Variants in PHF24 observed in about 807,000 individuals in gnomAD.
The protein encoded by PHF24 is PHD finger protein 24.
A neutral mutation model predicts 42.6 loss-of-function variants in PHF24; 25 were observed. That is an observed-to-expected ratio of 0.59 (90% CI 0.43 to 0.82). The LOEUF (loss-of-function observed/expected upper bound fraction) is 0.82. PHF24 is among the 40% of genes least tolerant of loss of function. The pLI is 0.00. For synonymous variants in PHF24, 185 were observed against 204.8 expected (o/e 0.90, Z 0.83); for missense variants, 470 against 538.1 (o/e 0.87, Z 1.25).
chr9:34,666,061 C>G, the PHF24 span: 6 of 272,356 alleles, frequency 2.2e-5, no homozygotes, highest in Non-Finnish European at 4.3e-5. Context: ...GTTACTATTA[C>G]GTCACAGGGA....
chr9:34,726,851 G>C, the PHF24 span: 2 of 1,551,820 alleles, frequency 1.3e-6, no homozygotes, highest in Admixed American at 3.9e-5. Flanking sequence ...CAATGGCCCC[G>C]ATAAAGTCAG....
At chr9:34,934,031 G>C in the PHF24 span, among the ~76,000 whole-genome samples, 1 of 152,076 alleles carries the variant, frequency 6.6e-6, no homozygotes, top group Non-Finnish European at 1.5e-5. Context: ...GGTCCTTCCA[G>C]ATGATATATT....
chr9:34,713,170 T>C, the PHF24 span, among the ~76,000 whole-genome samples: 1 of 152,202 alleles, frequency 6.6e-6, no homozygotes, highest in East Asian at 1.9e-4. Context: ...TTTGTGGGGT[T>C]ACTGAAATTT....
chr9:34,723,621 T>TAA, the PHF24 span: 1 of 1,551,790 alleles, frequency 6.4e-7, no homozygotes, highest in Non-Finnish European at 8.7e-7. Flanking sequence ...CTAGACTCTG[T>TAA]AAGGCTGGGC....
At chr9:34,929,792 G>A in the PHF24 span, among the ~76,000 whole-genome samples, 1 of 152,160 alleles carries the variant, frequency 6.6e-6, no homozygotes, top group Non-Finnish European at 1.5e-5. Flanking sequence ...CTCCTGAGAA[G>A]AGTTGAAGAG....
the PHF24 span, among the ~76,000 whole-genome samples, chr9:34,821,591 C>T: frequency 2.0e-5 from 3 of 152,204 alleles, no homozygotes; most frequent in Non-Finnish European, 4.4e-5. Flanking sequence ...AGTGCCCCAT[C>T]TTTCCCTGGA....
chr9:34,739,904 T>C, the PHF24 span, among the ~76,000 whole-genome samples: 3 of 152,150 alleles, frequency 2.0e-5, no homozygotes, highest in African/African-American at 7.2e-5. Flanking sequence ...TTACAATCCC[T>C]GAGCTAGACA....
chr9:34,812,861 C>T, the PHF24 span, among the ~76,000 whole-genome samples: 5 of 150,266 alleles, frequency 3.3e-5, no homozygotes, highest in African/African-American at 1.2e-4. Flanking sequence ...TTGAGACTTC[C>T]TTTTTCTGTG....
At chr9:34,839,050 G>A in the PHF24 span, among the ~76,000 whole-genome samples, 3 of 152,220 alleles carry the variant, frequency 2.0e-5, no homozygotes, top group African/African-American at 7.2e-5. Flanking sequence ...GGCTGATGTG[G>A]TAGGGTGATA....
At chr9:34,981,108 G>A (rs1827375959) in exon 8 of PHF24, 1 of 152,220 alleles carries the variant, frequency 6.6e-6, no homozygotes. Context: ...CTCACTCTAG[G>A]TACTGATCTA....
the PHF24 span, among the ~76,000 whole-genome samples, chr9:34,804,489 T>C: frequency 1.3e-5 from 2 of 152,232 alleles, no homozygotes; most frequent in Admixed American, 1.3e-4. Flanking sequence ...ATATAAATGG[T>C]AACTACTAAT....
chr9:34,860,673 A>C, the PHF24 span, among the ~76,000 whole-genome samples: 1 of 146,354 alleles, frequency 6.8e-6, no homozygotes, highest in Non-Finnish European at 1.5e-5. Flanking sequence ...GACTCTTATA[A>C]TGAGACCTTT....
At chr9:34,918,918 A>AT in the PHF24 span, among the ~76,000 whole-genome samples, 406 of 152,332 alleles carry the variant, frequency 2.7e-3, 2 homozygotes, top group African/African-American at 7.8e-3. Flanking sequence ...CTTCAGAATC[A>AT]TTTTTGTTGA....
chr9:34,971,392 C>A, exon 2 of PHF24: 1 of 1,614,142 alleles, frequency 6.2e-7, no homozygotes, highest in Non-Finnish European at 8.5e-7. Context: ...GCGGGACAGG[C>A]CTTCCATCCG....
chr9:34,769,366 CTG>C, the PHF24 span, among the ~76,000 whole-genome samples: 1 of 152,220 alleles, frequency 6.6e-6, no homozygotes, highest in Admixed American at 6.5e-5. Flanking sequence ...GGTGATCCGC[CTG>C]CCTCGGCCTC....
the PHF24 span, among the ~76,000 whole-genome samples, chr9:34,927,677 A>G: frequency 6.6e-6 from 1 of 152,088 alleles, no homozygotes; most frequent in Non-Finnish European, 1.5e-5. Flanking sequence ...GGTGGGGGAG[A>G]CAGGGCTATA....
chr9:34,682,297 T>G, the PHF24 span, among the ~76,000 whole-genome samples: 1 of 151,936 alleles, frequency 6.6e-6, no homozygotes, highest in Non-Finnish European at 1.5e-5. Flanking sequence ...GCACTTTTGA[T>G]CGTGGACTTC....
the PHF24 span, among the ~76,000 whole-genome samples, chr9:34,886,826 G>GTATC: frequency 4.6e-4 from 37 of 80,894 alleles, no homozygotes; most frequent in African/African-American, 1.0e-3. Flanking sequence ...ATGTATCTAT[G>GTATC]TATCTATGTA....
chr9:34,681,192 A>G, the PHF24 span: 1 of 152,218 alleles, frequency 6.6e-6, no homozygotes, highest in Non-Finnish European at 1.5e-5. Context: ...TGTGCTGGAG[A>G]CTTGCCTGGA....
Sources: gnomAD v4.1 joint callset for allele counts (sites outside exome capture counted in the v4.1 genomes callset) on GRCh38, gnomAD v4.1.1 for gene constraint, MANE v1.5 for transcripts, NCBI Gene and HGNC (gene_info 2026-07-23, HGNC 2026-07-21) for gene names.